PCDH15: variants seen among roughly 807,000 people sequenced by gnomAD.
PCDH15 encodes protocadherin related 15, also known as protocadherin-15.
PCDH15 carries 129 observed loss-of-function variants against 178.5 expected under a neutral mutation model. The observed-to-expected ratio is 0.72, with a 90% confidence interval of 0.63 to 0.84. The LOEUF (loss-of-function observed/expected upper bound fraction) is 0.84. PCDH15 is among the 40% of genes least tolerant of loss of function. The pLI, the probability that PCDH15 is intolerant of heterozygous loss-of-function variation, is 0.00. For missense variants in PCDH15, 2,230 were observed against 2,099.9 expected (o/e 1.06, Z -1.21); for synonymous variants, 800 against 732.0 (o/e 1.09, Z -1.50).
intron 1 of PCDH15, among the ~76,000 whole-genome samples, chr10:55,228,151 T>C (rs1364676630): frequency 3.9e-5 from 6 of 152,104 alleles, no homozygotes; most frequent in South Asian, 2.1e-4. Context: ...ACTTTGACCA[T>C]GCTGAGGTGG....
At chr10:55,359,747 T>TATATATATATACACAC (rs1491280747) in intron 2 of PCDH15, among the ~76,000 whole-genome samples, 17 of 81,654 alleles carry the variant, frequency 2.1e-4, no homozygotes, top group African/African-American at 6.1e-4. Flanking sequence ...TATATATATA[T>TATATATATATACACAC]ACACACACAC....
rs541269624 is a variant in PCDH15 at position 54,382,894 on chromosome 10, A to T, written c.158-3952T>A. Among the ~76,000 whole-genome samples the T allele has an allele frequency of 2.6e-5, 4 of 152,268 alleles. No homozygotes were observed. The South Asian group carries it at 8.3e-4, about 32-fold the overall frequency. ...TGATATTGTTATACAATAACAGGTAATTTACACAGGATTTAATGTCAAAAG... is the reference window on the plus strand; with the variant it reads ...TGATATTGTTATACAATAACAGGTATTTTACACAGGATTTAATGTCAAAAG... On this transcript the variant is annotated intron_variant, in intron 3 of 37. Coordinates refer to ENST00000644397, the MANE Select transcript of PCDH15 (RefSeq NM_001384140.1).
chr10:55,603,479 A>T (rs1843134589), intron 2 of PCDH15, among the ~76,000 whole-genome samples: 1 of 152,006 alleles, frequency 6.6e-6, no homozygotes, highest in Non-Finnish European at 1.5e-5. Context: ...AAAAAATGTT[A>T]AGGGCAGCCA....
intron 21 of PCDH15, among the ~76,000 whole-genome samples, chr10:53,981,550 G>C (rs982403440): frequency 2.0e-5 from 3 of 151,694 alleles, no homozygotes; most frequent in African/African-American, 7.3e-5. Context: ...ACAAACCTGA[G>C]AAAAACAAGC....
chr10:54,641,658 C>G (rs2093991899), intron 2 of PCDH15, among the ~76,000 whole-genome samples: 1 of 152,014 alleles, frequency 6.6e-6, no homozygotes, highest in African/African-American at 2.4e-5. Context: ...ATTTTTCAAT[C>G]TCTTCACTTG....
intron 2 of PCDH15, among the ~76,000 whole-genome samples, chr10:55,520,968 G>T (rs1300189385): frequency 5.9e-5 from 9 of 151,804 alleles, no homozygotes; most frequent in African/African-American, 2.2e-4. Context: ...GAATGCTTAA[G>T]ATCTACTCTC....
intron 3 of PCDH15, among the ~76,000 whole-genome samples, chr10:54,886,336 T>G (rs1954358960): frequency 6.6e-6 from 1 of 152,132 alleles, no homozygotes; most frequent in African/African-American, 2.4e-5. Flanking sequence ...ATAAAAGACT[T>G]TTTGGCATTT....
intron 2 of PCDH15, among the ~76,000 whole-genome samples, chr10:55,115,618 A>G (rs1479022950): frequency 6.6e-6 from 1 of 152,154 alleles, no homozygotes; most frequent in East Asian, 1.9e-4. Flanking sequence ...AATGGGCTGG[A>G]AAGTCCAATT....
At chr10:55,444,554 G>T (rs1839272546) in intron 2 of PCDH15, among the ~76,000 whole-genome samples, 1 of 151,992 alleles carries the variant, frequency 6.6e-6, no homozygotes, top group South Asian at 2.1e-4. Context: ...ATTGTTAATT[G>T]ATTATTAATT....
At chr10:54,738,448 G>A (rs1305297995) in intron 1 of PCDH15, among the ~76,000 whole-genome samples, 1 of 151,934 alleles carries the variant, frequency 6.6e-6, no homozygotes, top group African/African-American at 2.4e-5. Flanking sequence ...TTATTTTAAA[G>A]TAGGTAAAAC....
At chr10:55,046,821 C>A (rs928775188) in intron 2 of PCDH15, among the ~76,000 whole-genome samples, 5 of 151,990 alleles carry the variant, frequency 3.3e-5, no homozygotes, top group African/African-American at 1.2e-4. Flanking sequence ...CACATGGCCT[C>A]ATCACCTTCC....
intron 3 of PCDH15, among the ~76,000 whole-genome samples, chr10:54,464,937 C>G (rs533489232): frequency 3.5e-4 from 54 of 152,216 alleles, no homozygotes; most frequent in African/African-American, 1.3e-3. Flanking sequence ...GGTTATGATA[C>G]AAGGTTTACA....
At chr10:55,549,995 A>T (rs1410796077) in intron 2 of PCDH15, among the ~76,000 whole-genome samples, 1 of 151,988 alleles carries the variant, frequency 6.6e-6, no homozygotes, top group African/African-American at 2.4e-5. Flanking sequence ...CTAAGACTCA[A>T]TGATTTTGTA....
At chr10:53,902,949 A>G (rs751920213) in intron 26 of PCDH15, among the ~76,000 whole-genome samples, 1 of 152,110 alleles carries the variant, frequency 6.6e-6, no homozygotes, top group Non-Finnish European at 1.5e-5. Flanking sequence ...GAGTTATCCT[A>G]CTGGAGGAAT....
intron 3 of PCDH15, among the ~76,000 whole-genome samples, chr10:54,465,177 T>C (rs1183651738): frequency 6.6e-6 from 1 of 152,118 alleles, no homozygotes; most frequent in Non-Finnish European, 1.5e-5. Flanking sequence ...TGTGATTTTT[T>C]TGTTACACGC....
intron 2 of PCDH15, among the ~76,000 whole-genome samples, chr10:55,023,544 A>G (rs2131957475): frequency 6.6e-6 from 1 of 152,126 alleles, no homozygotes. Context: ...TTCTAGATCG[A>G]CTATTAATCT....
intron 2 of PCDH15, among the ~76,000 whole-genome samples, chr10:55,453,670 A>G (rs1370016703): frequency 1.3e-5 from 2 of 152,076 alleles, no homozygotes; most frequent in African/African-American, 4.8e-5. Flanking sequence ...CCTCTAGATG[A>G]TAATGCTGGA....
intron 1 of PCDH15, among the ~76,000 whole-genome samples, chr10:54,754,921 T>C (rs1389086578): frequency 8.3e-6 from 1 of 120,084 alleles, no homozygotes; most frequent in Non-Finnish European, 1.9e-5. Flanking sequence ...GCCATGTTTT[T>C]CACACTTAGA....
At chr10:55,004,560 C>T (rs531510365) in intron 2 of PCDH15, among the ~76,000 whole-genome samples, 10 of 152,236 alleles carry the variant, frequency 6.6e-5, no homozygotes, top group South Asian at 4.1e-4. Flanking sequence ...TCTTACCCAC[C>T]ATCTGTTTAC....
Sources: gnomAD v4.1 joint callset for allele counts (sites outside exome capture counted in the v4.1 genomes callset) on GRCh38, gnomAD v4.1.1 for gene constraint, MANE v1.5 for transcripts, NCBI Gene and HGNC (gene_info 2026-07-23, HGNC 2026-07-21) for gene names.